The following RAB10 variants were observed in gnomAD, a reference collection of about 807,000 sequenced individuals.
RAB10 encodes ras-related protein Rab-10.
A neutral mutation model predicts 25.7 loss-of-function variants in RAB10; 5 were observed. The observed-to-expected ratio is 0.19, with a 90% confidence interval of 0.10 to 0.41. RAB10 has a LOEUF of 0.41. Ranked by LOEUF, RAB10 falls within the 10% of genes least tolerant of loss-of-function variation. The pLI, the probability that RAB10 is intolerant of heterozygous loss-of-function variation, is 1.00. For synonymous variants in RAB10, 89 were observed against 86.4 expected (o/e 1.03, Z -0.16); for missense variants, 103 against 245.8 (o/e 0.42, Z 3.89).
intron 1 of RAB10, among the ~76,000 whole-genome samples, chr2:26,094,510 T>G (rs1667170542): frequency 6.6e-6 from 1 of 152,042 alleles, no homozygotes; most frequent in African/African-American, 2.4e-5. Context: ...CCTCAGCCTC[T>G]GAACGTGCTG....
chr2:26,037,228 C>T (rs1346235537), intron 1 of RAB10, among the ~76,000 whole-genome samples: 1 of 152,160 alleles, frequency 6.6e-6, no homozygotes, highest in Non-Finnish European at 1.5e-5. Flanking sequence ...AGCCCTTTTA[C>T]TTGGGAAGAT....
Position 26,034,379 on chromosome 2 carries a change from ACG to A in RAB10, c.-229_-228del. On this transcript the variant is annotated 5_prime_UTR_variant, in exon 1 of 6. Coordinates refer to ENST00000264710, the MANE Select transcript of RAB10 (RefSeq NM_016131.5). ...CGACCGACTCCCCGGAACCGGGCGG[ACG>A]GGCTGGGAGAGGCTGCGGAGCCGCG... 2 of 598,072 alleles carry A rather than the reference ACG, an allele frequency of 3.3e-6. No homozygotes were observed. Among genetic ancestry groups the A allele is most frequent in the South Asian group, 2.1e-5 (1 of 47,450 alleles). The allele number at this position is 598,072 out of a possible 1,614,324, so 37.0% of individuals were successfully genotyped here. A position where few individuals can be genotyped will look rare whatever the true frequency, so the allele number is the denominator to read the frequency against.
At chr2:26,109,423 G>A (rs564840573) in intron 2 of RAB10, among the ~76,000 whole-genome samples, 1 of 152,112 alleles carries the variant, frequency 6.6e-6, no homozygotes, top group African/African-American at 2.4e-5. Context: ...ACAACTTTTG[G>A]TTAATGATTC....
chr2:26,051,604 A>G (rs1255638033), intron 1 of RAB10, among the ~76,000 whole-genome samples: 2 of 151,492 alleles, frequency 1.3e-5, no homozygotes, highest in Non-Finnish European at 1.5e-5. Context: ...ACAAAAAAAA[A>G]AAAGCCGGAC....
intron 1 of RAB10, among the ~76,000 whole-genome samples, chr2:26,053,490 G>C (rs1666177731): frequency 6.6e-6 from 1 of 152,186 alleles, no homozygotes. Context: ...AACAGCAAGT[G>C]ATTCGGCAAA....
In RAB10 at chr2:26,117,441, G is replaced by A. The variant is rs568134258; in HGVS notation, c.327+7535G>A. 5.3e-5 allele frequency among the ~76,000 whole-genome samples: 8 copies of A among 151,888 alleles called. No homozygotes were observed. The East Asian group carries it at 1.4e-3, about 26-fold the overall frequency. On this transcript the variant is annotated intron_variant, in intron 3 of 5. Coordinates refer to ENST00000264710, the MANE Select transcript of RAB10 (RefSeq NM_016131.5). ...ATCCTGGCTAACACGGTGAAACCCC[G>A]TCTCTACTAAAATAAGAAAAAAAAT...
Position 26,124,983 on chromosome 2 carries a change from C to T in RAB10, c.328-2161C>T, listed in dbSNP as rs76428370. 3.3e-3 allele frequency among the ~76,000 whole-genome samples: 504 copies of T among 152,136 alleles called. 3 individuals carry two copies. Among genetic ancestry groups the T allele is most frequent in the African/African-American group, 0.012 (485 of 41,508 alleles). ...AATAATATTCCATTGTTTTTATATGCCATGTTCTGTTTATTCATTCACCCA... is the reference window on the plus strand; with the variant it reads ...AATAATATTCCATTGTTTTTATATGTCATGTTCTGTTTATTCATTCACCCA... On this transcript the variant is annotated intron_variant, in intron 3 of 5. Coordinates refer to ENST00000264710, the MANE Select transcript of RAB10 (RefSeq NM_016131.5).
chr2:26,104,550 G>A (rs1342128005), intron 2 of RAB10, among the ~76,000 whole-genome samples: 2 of 152,016 alleles, frequency 1.3e-5, no homozygotes, highest in Non-Finnish European at 2.9e-5. Context: ...ACCTTGTATT[G>A]TTCGCTGAAA....
At chr2:26,035,307 T>A (rs1173049254) in intron 1 of RAB10, among the ~76,000 whole-genome samples, 1 of 152,192 alleles carries the variant, frequency 6.6e-6, no homozygotes, top group Non-Finnish European at 1.5e-5. Flanking sequence ...GACTCTGGCA[T>A]ATTTGCCTCA....
At position 26,034,092 on chromosome 2, in the gene RAB10, C is replaced by T; in HGVS notation, c.-517C>T. ...CGTACGCCCTTGCGTGCGTCTCAGGCAGCGCGCACGCCGGCGTGAGAGGGC... is the reference window on the plus strand; with the variant it reads ...CGTACGCCCTTGCGTGCGTCTCAGGTAGCGCGCACGCCGGCGTGAGAGGGC... On this transcript the variant is annotated 5_prime_UTR_variant, in exon 1 of 6. Coordinates refer to ENST00000264710, the MANE Select transcript of RAB10 (RefSeq NM_016131.5). 2.5e-6 allele frequency: 1 copy of T among 404,388 alleles called. No homozygotes were observed. The allele number at this position is 404,388 out of a possible 1,614,324, so 25.0% of individuals were successfully genotyped here.
intron 1 of RAB10, among the ~76,000 whole-genome samples, chr2:26,049,183 C>T (rs1279709443): frequency 6.9e-6 from 1 of 144,456 alleles, no homozygotes; most frequent in African/African-American, 2.6e-5. Flanking sequence ...AGATGGAGGT[C>T]GACTTTTTTT....
At chr2:26,089,157 G>A (rs1392151531) in intron 1 of RAB10, among the ~76,000 whole-genome samples, 2 of 151,938 alleles carry the variant, frequency 1.3e-5, no homozygotes, top group Non-Finnish European at 2.9e-5. Flanking sequence ...GGGCACGATG[G>A]CTCATGCCTG....
rs138041122 is a variant in RAB10, at chr2:26,070,942, A to T, written c.128-27720A>T. Among the ~76,000 whole-genome samples, 547 of 152,260 alleles carry T rather than the reference A, an allele frequency of 3.6e-3. 7 individuals are homozygous for T. In the South Asian group the frequency reaches 0.039, roughly 11 times the overall value. ...GACATTTGCCTTTTTCACTATGTTGATGCTTGTACTGATGGTACAGAAGCA... is the reference window on the plus strand; with the variant it reads ...GACATTTGCCTTTTTCACTATGTTGTTGCTTGTACTGATGGTACAGAAGCA... On this transcript the variant is annotated intron_variant, in intron 1 of 5. Transcript: ENST00000264710.
chr2:26,108,955 A>G (rs1574556027), intron 2 of RAB10, among the ~76,000 whole-genome samples: 1 of 151,936 alleles, frequency 6.6e-6, no homozygotes, highest in Non-Finnish European at 1.5e-5. Context: ...TCTGTCACCC[A>G]AGCTGGAGTG....
At chr2:26,084,680 G>A (rs1033509361) in intron 1 of RAB10, among the ~76,000 whole-genome samples, 8 of 150,946 alleles carry the variant, frequency 5.3e-5, no homozygotes, top group African/African-American at 2.0e-4. Context: ...AGTTTATAAG[G>A]TTCTATGTAA....
At chr2:26,125,182 C>CT (rs1471751140) in intron 3 of RAB10, among the ~76,000 whole-genome samples, 1 of 152,134 alleles carries the variant, frequency 6.6e-6, no homozygotes, top group Non-Finnish European at 1.5e-5. Context: ...AATCACCAGA[C>CT]TTTTCCACAG....
rs1023172626 is a variant in RAB10 at position 26,133,962 on chromosome 2, C to T, written c.520-976C>T. 5.9e-5 allele frequency among the ~76,000 whole-genome samples: 9 copies of T among 152,310 alleles called. No homozygotes were observed. In the South Asian group the frequency reaches 8.3e-4, roughly 14 times the overall value. On this transcript the variant is annotated intron_variant, in intron 5 of 5. Coordinates refer to ENST00000264710, the MANE Select transcript of RAB10 (RefSeq NM_016131.5). ...GTGCTGGGATTACAGGCCTCAGCCA[C>T]GACACCCGGCCCTTCTGATTTTCAA...
chr2:26,096,078 T>C (rs867148463), intron 1 of RAB10, among the ~76,000 whole-genome samples: 12 of 152,234 alleles, frequency 7.9e-5, no homozygotes, highest in Middle Eastern at 3.2e-3. Context: ...GTGCTTGATA[T>C]ATGAAACATT....
At chr2:26,059,029 C>T (rs1044486270) in intron 1 of RAB10, among the ~76,000 whole-genome samples, 1 of 152,156 alleles carries the variant, frequency 6.6e-6, no homozygotes, top group Non-Finnish European at 1.5e-5. Context: ...ATTTGAAAGA[C>T]AAAAATGATT....
Sources: allele counts gnomAD v4.1 joint callset (sites outside exome capture counted in the v4.1 genomes callset), GRCh38; gene constraint gnomAD v4.1.1; transcripts MANE v1.5; gene names NCBI Gene and HGNC (gene_info 2026-07-23, HGNC 2026-07-21).